SSBP2: variants seen among roughly 807,000 people sequenced by gnomAD.
SSBP2 encodes single-stranded DNA-binding protein 2.
Under a neutral mutation model 61.8 loss-of-function variants are expected in SSBP2, and 17 were observed. The observed-to-expected ratio is 0.28, with a 90% CI of 0.19 to 0.41. The LOEUF is 0.41. Ranked by LOEUF, SSBP2 falls within the 10% of genes least tolerant of loss-of-function variation. The pLI is 1.00. For missense variants in SSBP2, 310 were observed against 458.7 expected (o/e 0.68, Z 2.96); for synonymous variants, 139 against 141.3 (o/e 0.98, Z 0.12).
intron 4 of SSBP2, among the ~76,000 whole-genome samples, chr5:81,536,732 T>C (rs1052128135): frequency 1.3e-5 from 2 of 152,150 alleles, no homozygotes; most frequent in African/African-American, 4.8e-5. Context: ...TCAGATATTG[T>C]GGTACTGAAA....
intron 2 of SSBP2, among the ~76,000 whole-genome samples, chr5:81,637,112 T>C (rs1748310966): frequency 6.6e-6 from 1 of 152,232 alleles, no homozygotes; most frequent in Non-Finnish European, 1.5e-5. Context: ...GGTTCCATTC[T>C]AGCTTTATCC....
intron 4 of SSBP2, among the ~76,000 whole-genome samples, chr5:81,578,484 A>AC (rs1165394825): frequency 6.6e-6 from 1 of 151,986 alleles, no homozygotes. Context: ...GATTTCAAAA[A>AC]ATGTATATAA....
intron 1 of SSBP2, among the ~76,000 whole-genome samples, chr5:81,679,873 T>TAA (rs1231690551): frequency 1.3e-5 from 2 of 151,316 alleles, no homozygotes; most frequent in African/African-American, 4.9e-5. Context: ...TTTGAATTGG[T>TAA]AGAGTGAGTA....
intron 5 of SSBP2, among the ~76,000 whole-genome samples, chr5:81,501,557 T>C (rs1767772060): frequency 7.1e-6 from 1 of 140,174 alleles, no homozygotes; most frequent in Non-Finnish European, 1.6e-5. Context: ...TTTCTTTCTT[T>C]CTTTTCTTTT....
chr5:81,717,586 T>C (rs1755246485), intron 1 of SSBP2, among the ~76,000 whole-genome samples: 1 of 152,120 alleles, frequency 6.6e-6, no homozygotes, highest in African/African-American at 2.4e-5. Flanking sequence ...ATTTAAATAA[T>C]TAAATAATAC....
intron 4 of SSBP2, among the ~76,000 whole-genome samples, chr5:81,545,389 G>A (rs1236514380): frequency 6.6e-6 from 1 of 151,864 alleles, no homozygotes; most frequent in Admixed American, 6.6e-5. Context: ...TTCCTACCTT[G>A]ACTAATAAAA....
intron 6 of SSBP2, among the ~76,000 whole-genome samples, chr5:81,478,729 C>T (rs952648731): frequency 6.6e-6 from 1 of 152,170 alleles, no homozygotes; most frequent in Non-Finnish European, 1.5e-5. Context: ...CCTTGGCTTC[C>T]CAAAGCGCTG....
chr5:81,578,886 C>A (rs77686891), intron 4 of SSBP2, among the ~76,000 whole-genome samples: 1,775 of 151,992 alleles, frequency 0.012, 27 homozygotes, highest in African/African-American at 0.04. Flanking sequence ...CCCTAAGTAA[C>A]AATCTATCCT....
At chr5:81,588,686 T>C (rs1775261705) in intron 4 of SSBP2, among the ~76,000 whole-genome samples, 1 of 152,286 alleles carries the variant, frequency 6.6e-6, no homozygotes, top group Middle Eastern at 3.4e-3. Flanking sequence ...CAAACTCAAC[T>C]TTCTCATGAA....
At chr5:81,461,265 T>C (rs1448355571) in intron 9 of SSBP2, among the ~76,000 whole-genome samples, 162 bp from the exon 10 acceptor site, 2 of 152,054 alleles carry the variant, frequency 1.3e-5, no homozygotes, top group Admixed American at 6.6e-5. Flanking sequence ...GCTTTTTATA[T>C]TAATTAAGTC....
chr5:81,469,918 T>C (rs1765137651), intron 8 of SSBP2, among the ~76,000 whole-genome samples: 1 of 151,986 alleles, frequency 6.6e-6, no homozygotes, highest in African/African-American at 2.4e-5. Context: ...GCAATGTTTC[T>C]GACAAAATGG....
chr5:81,737,553 C>T (rs1756703573), intron 1 of SSBP2, among the ~76,000 whole-genome samples: 1 of 151,880 alleles, frequency 6.6e-6, no homozygotes, highest in South Asian at 2.1e-4. Context: ...GAGGCCAAGG[C>T]AGGCGGATCA....
intron 13 of SSBP2, among the ~76,000 whole-genome samples, chr5:81,440,911 T>A (rs1439645449): frequency 6.6e-6 from 1 of 152,230 alleles, no homozygotes; most frequent in African/African-American, 2.4e-5. Context: ...AGAAAGTATA[T>A]ACATTCCAGT....
intron 1 of SSBP2, among the ~76,000 whole-genome samples, chr5:81,731,943 A>G (rs962294433): frequency 6.6e-6 from 1 of 151,942 alleles, no homozygotes; most frequent in Admixed American, 6.6e-5. Context: ...CTGCTTCATC[A>G]CTGCAGTGCA....
intron 1 of SSBP2, among the ~76,000 whole-genome samples, chr5:81,680,146 C>T (rs1752279258): frequency 6.6e-6 from 1 of 151,734 alleles, no homozygotes; most frequent in Non-Finnish European, 1.5e-5. Flanking sequence ...CATTAGCTCT[C>T]ATGGTTTTCA....
intron 1 of SSBP2, among the ~76,000 whole-genome samples, chr5:81,723,559 A>C (rs540399572): frequency 6.6e-6 from 1 of 152,048 alleles, no homozygotes; most frequent in Admixed American, 6.6e-5. Context: ...GATGCGCATT[A>C]ACCCAAGTGC....
intron 4 of SSBP2, among the ~76,000 whole-genome samples, chr5:81,553,539 G>C (rs1021986309): frequency 1.3e-5 from 2 of 151,996 alleles, no homozygotes; most frequent in African/African-American, 4.8e-5. Context: ...CTATTTTCCA[G>C]TAATCATATA....
chr5:81,554,477 C>T (rs940086414), intron 4 of SSBP2, among the ~76,000 whole-genome samples: 2 of 150,792 alleles, frequency 1.3e-5, no homozygotes, highest in African/African-American at 4.9e-5. Context: ...ATTTAATTAA[C>T]ACAAAGGCTC....
intron 4 of SSBP2, among the ~76,000 whole-genome samples, chr5:81,575,795 T>C (rs547855719): frequency 1.3e-5 from 2 of 152,296 alleles, no homozygotes; most frequent in Non-Finnish European, 2.9e-5. Context: ...AAGATATATA[T>C]TGTGCAGACA....
Sources: allele counts gnomAD v4.1 joint callset (sites outside exome capture counted in the v4.1 genomes callset), GRCh38; gene constraint gnomAD v4.1.1; transcripts MANE v1.5; gene names NCBI Gene and HGNC (gene_info 2026-07-23, HGNC 2026-07-21).